MGAT4C: variants seen among roughly 807,000 people sequenced by gnomAD.
The protein encoded by MGAT4C is MGAT4 family member C.
A neutral mutation model predicts 40.1 loss-of-function variants in MGAT4C; 19 were observed. The ratio of observed to expected loss-of-function variants is 0.47; its 90% CI spans 0.33 to 0.70. The LOEUF is 0.70. Among genes scored for constraint, MGAT4C ranks in the 30% least tolerant of loss-of-function variants. The pLI is 0.02. For synonymous variants in MGAT4C, 181 were observed against 187.1 expected (o/e 0.97, Z 0.27); for missense variants, 491 against 563.2 (o/e 0.87, Z 1.30).
chr12:86,593,073 CT>C (rs559352363), intron 2 of MGAT4C, among the ~76,000 whole-genome samples: 26 of 148,886 alleles, frequency 1.7e-4, no homozygotes, highest in Admixed American at 4.7e-4. Flanking sequence ...AACATTTGTA[CT>C]TTTTTTTTTC....
At chr12:86,177,737 T>C (rs1477967372) in intron 1 of MGAT4C, among the ~76,000 whole-genome samples, 2 of 152,116 alleles carry the variant, frequency 1.3e-5, no homozygotes, top group East Asian at 3.9e-4. Flanking sequence ...GTGTCTAATA[T>C]AATATATTTT....
At chr12:86,634,233 A>G (rs531423983) in intron 2 of MGAT4C, among the ~76,000 whole-genome samples, 1 of 152,238 alleles carries the variant, frequency 6.6e-6, no homozygotes, top group East Asian at 1.9e-4. Flanking sequence ...GCAGAAAGTC[A>G]TTGCCTTTTA....
intron 2 of MGAT4C, among the ~76,000 whole-genome samples, chr12:86,481,456 C>T (rs1957936106): frequency 6.6e-6 from 1 of 151,884 alleles, no homozygotes; most frequent in Non-Finnish European, 1.5e-5. Context: ...TGTGTATTAC[C>T]CTCTGATGTA....
rs185793926 is a variant in MGAT4C at position 85,957,279 on chromosome 12, C to T, written c.*22010G>A. On this transcript the variant is annotated 3_prime_UTR_variant, in exon 5 of 5. Coordinates refer to ENST00000611864, the MANE Select transcript of MGAT4C (RefSeq NM_001351288.2). ...TAAAGTCATATTATTTGTGAAAGAC[C>T]AAGGCCAAGGATCTTGCCCCTCATT... The T allele has an allele frequency of 1.3e-5, 2 of 151,982 alleles. No individual in the cohort carries two copies. Among genetic ancestry groups the T allele is most frequent in the Middle Eastern group, 3.4e-3 (1 of 292 alleles). The allele number at this position is 151,982 out of a possible 1,614,324, so 9.4% of individuals were successfully genotyped here. A position where few individuals can be genotyped will look rare whatever the true frequency, so the allele number is the denominator to read the frequency against.
At chr12:86,498,974 G>A (rs1448296381) in intron 2 of MGAT4C, among the ~76,000 whole-genome samples, 2 of 151,968 alleles carry the variant, frequency 1.3e-5, no homozygotes, top group Non-Finnish European at 2.9e-5. Flanking sequence ...GACTGCAGTT[G>A]CAGCTGCTCA....
chr12:86,319,301 A>C (rs1394846895), intron 4 of MGAT4C, among the ~76,000 whole-genome samples: 2 of 152,168 alleles, frequency 1.3e-5, no homozygotes, highest in East Asian at 1.9e-4. Context: ...ACGAAATATA[A>C]GGCTCTTCAT....
chr12:86,603,427 G>GTA (rs1961869296), intron 2 of MGAT4C, among the ~76,000 whole-genome samples: 1 of 106,992 alleles, frequency 9.3e-6, no homozygotes, highest in African/African-American at 3.8e-5. Flanking sequence ...ATAGTATATA[G>GTA]TATATATACT....
chr12:86,040,420 G>A (rs1203525547), intron 2 of MGAT4C, among the ~76,000 whole-genome samples: 1 of 152,182 alleles, frequency 6.6e-6, no homozygotes, highest in South Asian at 2.1e-4. Flanking sequence ...TTTTTTCAGA[G>A]ATGCCCTGCC....
intron 3 of MGAT4C, among the ~76,000 whole-genome samples, chr12:86,384,678 G>T (rs994810013): frequency 6.6e-6 from 1 of 152,140 alleles, no homozygotes; most frequent in Non-Finnish European, 1.5e-5. Context: ...AAATATTTAT[G>T]TATTCTCATT....
At chr12:86,014,461 G>A (rs1251115427) in intron 2 of MGAT4C, among the ~76,000 whole-genome samples, 1 of 152,124 alleles carries the variant, frequency 6.6e-6, no homozygotes. Context: ...TTGCTGTGCT[G>A]CGATGTGAAT....
chr12:86,127,481 A>G (rs1880474865), intron 1 of MGAT4C, among the ~76,000 whole-genome samples: 1 of 152,182 alleles, frequency 6.6e-6, no homozygotes, highest in African/African-American at 2.4e-5. Context: ...TAAGTGCTAT[A>G]CACTTAGGCT....
At chr12:86,174,439 C>T (rs1340470463) in intron 1 of MGAT4C, among the ~76,000 whole-genome samples, 1 of 151,982 alleles carries the variant, frequency 6.6e-6, no homozygotes, top group Non-Finnish European at 1.5e-5. Flanking sequence ...ATAAATATTG[C>T]CCCCTAATTA....
In MGAT4C at chr12:86,438,020, C is replaced by T. The variant is rs112006587; in HGVS notation, c.-228-2755G>A. The stretch of plus-strand genomic sequence containing the variant: ...AGAGTCATGGTCTTTCACTTGAAGT[C>T]AAATGGTAGAAATGATTAACTTTAG... On this transcript the variant is annotated intron_variant, in intron 2 of 7. Coordinates refer to the MGAT4C transcript ENST00000548651. Among the ~76,000 whole-genome samples the T allele has an allele frequency of 3.2e-3, 489 of 151,800 alleles. 1 individual carries two copies. Among genetic ancestry groups the T allele is most frequent in the African/African-American group, 0.011 (472 of 41,438 alleles).
At chr12:86,123,886 C>A (rs1879836776) in intron 1 of MGAT4C, among the ~76,000 whole-genome samples, 1 of 151,752 alleles carries the variant, frequency 6.6e-6, no homozygotes, top group African/African-American at 2.4e-5. Flanking sequence ...CTAGAAAGTC[C>A]CTTGTATGTG....
chr12:86,168,813 A>T (rs555961834), intron 1 of MGAT4C, among the ~76,000 whole-genome samples: 1 of 152,088 alleles, frequency 6.6e-6, no homozygotes, highest in East Asian at 1.9e-4. Flanking sequence ...GTCTGAGGTA[A>T]TATTTTTATA....
chr12:86,676,195 A>G (rs971632014), intron 2 of MGAT4C, among the ~76,000 whole-genome samples: 1 of 152,116 alleles, frequency 6.6e-6, no homozygotes, highest in Admixed American at 6.6e-5. Flanking sequence ...GAAAGAGGAA[A>G]GAATACCAAT....
At chr12:86,632,386 A>T (rs555920858) in intron 2 of MGAT4C, among the ~76,000 whole-genome samples, 1 of 152,064 alleles carries the variant, frequency 6.6e-6, no homozygotes, top group African/African-American at 2.4e-5. Context: ...TACCATTTGA[A>T]CCAGCCATCC....
intron 1 of MGAT4C, among the ~76,000 whole-genome samples, chr12:86,792,012 C>T (rs767396385): frequency 3.3e-5 from 5 of 152,264 alleles, no homozygotes; most frequent in Non-Finnish European, 4.4e-5. Context: ...TCTTTATTAA[C>T]AATAACATTT....
chr12:86,042,116 G>A (rs1205866312), intron 2 of MGAT4C, among the ~76,000 whole-genome samples: 1 of 152,088 alleles, frequency 6.6e-6, no homozygotes, highest in Non-Finnish European at 1.5e-5. Context: ...TGTTTTGTCT[G>A]GAATTAAAAT....
Sources: gnomAD v4.1 joint callset for allele counts (sites outside exome capture counted in the v4.1 genomes callset) on GRCh38, gnomAD v4.1.1 for gene constraint, MANE v1.5 for transcripts, NCBI Gene and HGNC (gene_info 2026-07-23, HGNC 2026-07-21) for gene names.